The following ST6GALNAC3 variants were observed in gnomAD, a reference collection of about 807,000 sequenced individuals.
ST6GALNAC3 encodes the protein alpha-N-acetylgalactosaminide alpha-2,6-sialyltransferase 3.
In ST6GALNAC3, 25 loss-of-function variants were observed where a neutral mutation model predicts 32.7. The ratio of observed to expected loss-of-function variants is 0.76; its 90% CI spans 0.56 to 1.07. ST6GALNAC3 has a LOEUF of 1.07. Ranked by LOEUF, ST6GALNAC3 falls within the 50% of genes least tolerant of loss-of-function variation. The pLI, the probability that ST6GALNAC3 is intolerant of heterozygous loss-of-function variation, is 0.00. For missense variants in ST6GALNAC3, 355 were observed against 382.4 expected (o/e 0.93, Z 0.60); for synonymous variants, 129 against 133.1 (o/e 0.97, Z 0.21).
At chr1:76,422,563 G>T (rs1007077819) in intron 3 of ST6GALNAC3, among the ~76,000 whole-genome samples, 26 of 151,978 alleles carry the variant, frequency 1.7e-4, no homozygotes, top group African/African-American at 6.3e-4. Context: ...TCAAACGTGA[G>T]CTTGCATCAG....
chr1:76,513,298 G>A (rs12734853), intron 3 of ST6GALNAC3, among the ~76,000 whole-genome samples: 15,465 of 152,074 alleles, frequency 0.1, 944 homozygotes, highest in East Asian at 0.22. Flanking sequence ...CATTTAGTTG[G>A]ATTTTGCATG....
At chr1:76,380,101 T>A (rs1651585019) in intron 2 of ST6GALNAC3, among the ~76,000 whole-genome samples, 1 of 152,086 alleles carries the variant, frequency 6.6e-6, no homozygotes, top group Non-Finnish European at 1.5e-5. Flanking sequence ...AGGGAGAAGA[T>A]CCTGAGAGGA....
At chr1:76,598,939 C>T (rs1647178460) in intron 3 of ST6GALNAC3, among the ~76,000 whole-genome samples, 1 of 152,088 alleles carries the variant, frequency 6.6e-6, no homozygotes, top group Non-Finnish European at 1.5e-5. Flanking sequence ...CATTTCTATG[C>T]TTTTCATGGA....
chr1:76,194,636 C>T (rs1654092930), intron 1 of ST6GALNAC3, among the ~76,000 whole-genome samples: 1 of 152,132 alleles, frequency 6.6e-6, no homozygotes, highest in Admixed American at 6.5e-5. Context: ...GATATGGATT[C>T]TCACATCTGC....
intron 1 of ST6GALNAC3, among the ~76,000 whole-genome samples, chr1:76,238,895 G>A (rs1432053807): frequency 6.6e-6 from 1 of 151,222 alleles, no homozygotes; most frequent in African/African-American, 2.4e-5. Context: ...TCTCAATCTG[G>A]GACAGTTTAG....
Position 76,628,628 on chromosome 1 carries a change from G to T in ST6GALNAC3, c.740G>T (p.Gly247Val), listed in dbSNP as rs769227304. Residue 247 changes from glycine (G) to valine (V), a missense_variant, in exon 5 of 5, where the codon GGG becomes GTG. Coordinates refer to ENST00000328299, the MANE Select transcript of ST6GALNAC3 (RefSeq NM_152996.4). ...MINDTYCKTE[G>V]YRKVPYHYYE... The stretch of plus-strand genomic sequence containing the variant: ...TTTTTTTTCTTTTCTAGGACAGAAG[G>T]GTATAGAAAAGTCCCCTACCATTAT... 9.4e-6 allele frequency: 15 copies of T among 1,600,468 alleles called. No homozygotes were observed. The highest frequency in any genetic ancestry group is 1.3e-5 in the Non-Finnish European group (15 of 1,176,112).
intron 2 of ST6GALNAC3, among the ~76,000 whole-genome samples, chr1:76,329,563 G>A (rs73002502): frequency 0.038 from 5,739 of 152,128 alleles, 118 homozygotes; most frequent in African/African-American, 0.06. Context: ...AAAGTCTACC[G>A]ATTCCTTAAA....
intron 1 of ST6GALNAC3, among the ~76,000 whole-genome samples, chr1:76,172,367 C>T (rs1040646175): frequency 3.3e-5 from 5 of 152,000 alleles, no homozygotes; most frequent in Admixed American, 6.6e-5. Context: ...TATGACAAAC[C>T]CACAGACAAT....
intron 1 of ST6GALNAC3, among the ~76,000 whole-genome samples, chr1:76,234,495 C>T (rs1383594884): frequency 2.0e-5 from 3 of 152,130 alleles, no homozygotes; most frequent in Non-Finnish European, 2.9e-5. Context: ...TTTGCAAACC[C>T]GTGCAAATCA....
intron 1 of ST6GALNAC3, among the ~76,000 whole-genome samples, chr1:76,298,791 C>T (rs951963964): frequency 2.0e-5 from 3 of 152,040 alleles, no homozygotes; most frequent in Admixed American, 6.6e-5. Flanking sequence ...TATTCAGGAC[C>T]TGCTATCAGC....
At chr1:76,391,075 G>C in intron 2 of ST6GALNAC3, among the ~76,000 whole-genome samples, 1 of 151,296 alleles carries the variant, frequency 6.6e-6, no homozygotes, top group Non-Finnish European at 1.5e-5. Flanking sequence ...GAGTAGCTGG[G>C]ACTACGGGCG....
At chr1:76,167,435 G>C (rs1204805107) in intron 1 of ST6GALNAC3, among the ~76,000 whole-genome samples, 2 of 152,002 alleles carry the variant, frequency 1.3e-5, no homozygotes, top group Non-Finnish European at 1.5e-5. Flanking sequence ...CCAGGCTATT[G>C]GCCTGAAGAT....
intron 3 of ST6GALNAC3, among the ~76,000 whole-genome samples, chr1:76,421,346 T>C (rs1655017294): frequency 6.6e-6 from 1 of 152,064 alleles, no homozygotes. Flanking sequence ...GATTTTGTGA[T>C]TGGGCACTGG....
At chr1:76,316,631 G>A (rs544411452) in intron 2 of ST6GALNAC3, among the ~76,000 whole-genome samples, 13 of 152,078 alleles carry the variant, frequency 8.5e-5, no homozygotes, top group East Asian at 3.9e-4. Context: ...GGGGTCTAGC[G>A]GTTACCTCTG....
At chr1:76,297,742 T>C (rs1030785298) in intron 1 of ST6GALNAC3, among the ~76,000 whole-genome samples, 1 of 152,038 alleles carries the variant, frequency 6.6e-6, no homozygotes, top group Non-Finnish European at 1.5e-5. Flanking sequence ...TTCAGAAACA[T>C]AGTAGATGCT....
intron 2 of ST6GALNAC3, among the ~76,000 whole-genome samples, chr1:76,320,643 A>G (rs2100920098): frequency 6.6e-6 from 1 of 152,260 alleles, no homozygotes; most frequent in South Asian, 2.1e-4. Context: ...GGAATATAGA[A>G]GAAGATAGAA....
intron 1 of ST6GALNAC3, among the ~76,000 whole-genome samples, chr1:76,120,444 C>T (rs1300926047): frequency 6.6e-6 from 1 of 152,112 alleles, no homozygotes. Flanking sequence ...GGGTGAGAGG[C>T]CAATTTATCA....
At chr1:76,608,657 C>A (rs970047058) in intron 3 of ST6GALNAC3, among the ~76,000 whole-genome samples, 104 of 147,622 alleles carry the variant, frequency 7.0e-4, no homozygotes, top group African/African-American at 2.6e-3. Flanking sequence ...ACCTGGCCCA[C>A]TTCTTTTTCC....
chr1:76,489,281 GGTGTGT>G (rs369016477), intron 3 of ST6GALNAC3, among the ~76,000 whole-genome samples: 1 of 151,130 alleles, frequency 6.6e-6, no homozygotes, highest in East Asian at 1.9e-4. Context: ...ATATTTTGCA[GGTGTGT>G]GTGTGTGTGT....
Sources: allele counts gnomAD v4.1 joint callset (sites outside exome capture counted in the v4.1 genomes callset), GRCh38; gene constraint gnomAD v4.1.1; transcripts MANE v1.5; gene names NCBI Gene and HGNC (gene_info 2026-07-23, HGNC 2026-07-21).